The following CADM2 variants were observed in gnomAD, a reference collection of about 807,000 sequenced individuals.
CADM2 encodes the protein immunoglobulin superfamily member 4D.
A neutral mutation model predicts 49.8 loss-of-function variants in CADM2; 12 were observed. The observed-to-expected ratio is 0.24, with a 90% confidence interval of 0.15 to 0.39. The LOEUF (loss-of-function observed/expected upper bound fraction) is 0.39, where lower values mean the gene tolerates loss of function less well. Among genes scored for constraint, CADM2 ranks in the 10% least tolerant of loss-of-function variants. CADM2 has a pLI of 1.00. For missense variants in CADM2, 378 were observed against 492.3 expected, an observed-to-expected ratio of 0.77 and a Z score of 2.20; for synonymous variants, 214 against 175.4, an observed-to-expected ratio of 1.22 and a Z score of -1.74.
At chr3:85,242,322 G>T (rs1171497880) in intron 1 of CADM2, among the ~76,000 whole-genome samples, 2 of 149,758 alleles carry the variant, frequency 1.3e-5, no homozygotes, top group Non-Finnish European at 3.0e-5. Flanking sequence ...GTTTTTGAAG[G>T]GGTGAAAAAA....
intron 1 of CADM2, among the ~76,000 whole-genome samples, chr3:85,308,310 T>TACACACACACAC (rs10662960): frequency 0.026 from 3,793 of 143,544 alleles, 66 homozygotes; most frequent in East Asian, 0.091. Context: ...TCTACCTCTC[T>TACACACACACAC]ACACACACAC....
At chr3:85,430,615 T>TG (rs1214352008) in intron 1 of CADM2, among the ~76,000 whole-genome samples, 23 of 43,392 alleles carry the variant, frequency 5.3e-4, no homozygotes, top group African/African-American at 7.7e-4. Context: ...AAGGGGGCGG[T>TG]GGGGGGGAGT....
intron 1 of CADM2, among the ~76,000 whole-genome samples, chr3:84,993,494 TG>T (rs2033007438): frequency 6.6e-6 from 1 of 152,154 alleles, no homozygotes; most frequent in Admixed American, 6.5e-5. Context: ...TGGTCCTAGT[TG>T]ACCCTGTAAT....
chr3:85,700,848 C>T (rs1444195786), intron 1 of CADM2, among the ~76,000 whole-genome samples: 1 of 152,150 alleles, frequency 6.6e-6, no homozygotes, highest in Non-Finnish European at 1.5e-5. Flanking sequence ...CCTCATCTTC[C>T]TCTCTTCTTC....
chr3:85,404,236 T>G (rs1347091501), intron 1 of CADM2, among the ~76,000 whole-genome samples: 1 of 152,094 alleles, frequency 6.6e-6, no homozygotes, highest in Non-Finnish European at 1.5e-5. Context: ...ACCACCTCAC[T>G]TTTTTTCTCC....
intron 2 of CADM2, among the ~76,000 whole-genome samples, chr3:85,752,470 G>A (rs952319448): frequency 5.8e-5 from 5 of 86,352 alleles, no homozygotes; most frequent in South Asian, 8.1e-4. Context: ...ATATGTGTGC[G>A]TGCACACACA....
At chr3:85,157,790 C>T (rs1295310380) in intron 1 of CADM2, among the ~76,000 whole-genome samples, 7 of 152,120 alleles carry the variant, frequency 4.6e-5, no homozygotes, top group Non-Finnish European at 8.8e-5. Context: ...GCAAGGACTT[C>T]ATGTCTAAAA....
At chr3:85,329,151 A>G (rs1312795715) in intron 1 of CADM2, among the ~76,000 whole-genome samples, 2 of 152,204 alleles carry the variant, frequency 1.3e-5, no homozygotes, top group African/African-American at 4.8e-5. Context: ...GGGAAGAGAT[A>G]CAGCTTTCAG....
intron 1 of CADM2, among the ~76,000 whole-genome samples, chr3:85,410,377 T>C (rs1164784948): frequency 6.6e-6 from 1 of 152,198 alleles, no homozygotes; most frequent in Non-Finnish European, 1.5e-5. Flanking sequence ...TACCAGATTA[T>C]CAACTCATTT....
At chr3:85,418,284 A>C (rs184370554) in intron 1 of CADM2, among the ~76,000 whole-genome samples, 14 of 152,248 alleles carry the variant, frequency 9.2e-5, no homozygotes, top group African/African-American at 3.4e-4. Context: ...GTAAACTATG[A>C]ATTTTAGTTA....
chr3:84,965,678 TAA>T (rs2030923239), intron 1 of CADM2, among the ~76,000 whole-genome samples: 1 of 152,170 alleles, frequency 6.6e-6, no homozygotes, highest in Non-Finnish European at 1.5e-5. Flanking sequence ...GTGTTGGACT[TAA>T]TAACTGTTGG....
chr3:84,965,989 C>G (rs890258467), intron 1 of CADM2, among the ~76,000 whole-genome samples: 1 of 152,110 alleles, frequency 6.6e-6, no homozygotes, highest in African/African-American at 2.4e-5. Context: ...GCATTAAACC[C>G]TATCAGATAA....
chr3:85,253,375 T>C (rs1312141265), intron 1 of CADM2, among the ~76,000 whole-genome samples: 2 of 152,076 alleles, frequency 1.3e-5, no homozygotes, highest in Non-Finnish European at 2.9e-5. Context: ...AGTAAAATCC[T>C]ATAGCTTAGT....
intron 1 of CADM2, among the ~76,000 whole-genome samples, chr3:85,425,718 G>C (rs4856571): frequency 0.49 from 74,487 of 152,008 alleles, 21,935 homozygotes; most frequent in East Asian, 0.83. Context: ...CCAGGTCTTG[G>C]GGGTGACAAA....
At chr3:85,133,979 C>A (rs1384017987) in intron 1 of CADM2, among the ~76,000 whole-genome samples, 1 of 148,792 alleles carries the variant, frequency 6.7e-6, no homozygotes, top group African/African-American at 2.4e-5. Context: ...TCAGGCATGG[C>A]GGGCTGCAGG....
At chr3:85,791,672 A>G (rs1475226798) in intron 2 of CADM2, among the ~76,000 whole-genome samples, 1 of 152,036 alleles carries the variant, frequency 6.6e-6, no homozygotes, top group East Asian at 1.9e-4. Context: ...CTTCATTTAA[A>G]CATGTGTTGC....
chr3:85,826,445 T>A lies in CADM2; in HGVS notation c.238+24249T>A, dbSNP rs542170969. 9.9e-5 allele frequency among the ~76,000 whole-genome samples: 15 copies of A among 152,206 alleles called. No homozygotes were observed. The East Asian group carries it at 2.9e-3, about 29-fold the overall frequency. On this transcript the variant is annotated intron_variant, in intron 3 of 9. Transcript: ENST00000383699. Reference sequence around the variant, plus strand: ...ATTATTTTCCTGGTAGTAGGGTTTTTATAGTTGTTTTTCTTAAAATGAATT... The same window carrying A: ...ATTATTTTCCTGGTAGTAGGGTTTTAATAGTTGTTTTTCTTAAAATGAATT...
intron 3 of CADM2, among the ~76,000 whole-genome samples, chr3:85,866,747 G>T (rs13071488): frequency 6.6e-6 from 1 of 151,532 alleles, no homozygotes; most frequent in Non-Finnish European, 1.5e-5. Context: ...TTCTCCATTT[G>T]TCCCCATTAT....
intron 1 of CADM2, among the ~76,000 whole-genome samples, chr3:85,544,379 C>G (rs934080373): frequency 6.6e-6 from 1 of 152,042 alleles, no homozygotes; most frequent in African/African-American, 2.4e-5. Flanking sequence ...GAGATCGACA[C>G]CATCCTGGCT....
Sources: gnomAD v4.1 joint callset for allele counts (sites outside exome capture counted in the v4.1 genomes callset) on GRCh38, gnomAD v4.1.1 for gene constraint, MANE v1.5 for transcripts, NCBI Gene and HGNC (gene_info 2026-07-23, HGNC 2026-07-21) for gene names.